The following RBPMS variants were observed in gnomAD, a reference collection of about 807,000 sequenced individuals.
The protein encoded by RBPMS is RNA-binding protein with multiple splicing.
A neutral mutation model predicts 26.8 loss-of-function variants in RBPMS; 7 were observed. That is an observed-to-expected ratio of 0.26 (90% confidence interval 0.15 to 0.49). RBPMS has a LOEUF of 0.49. RBPMS is among the 20% of genes least tolerant of loss of function. RBPMS has a pLI of 0.98. For synonymous variants in RBPMS, 96 were observed against 93.3 expected, an observed-to-expected ratio of 1.03 and a Z score of -0.17; for missense variants, 186 against 250.0, an observed-to-expected ratio of 0.74 and a Z score of 1.73.
intron 5 of RBPMS, among the ~76,000 whole-genome samples, chr8:30,532,420 GTTGT>G (rs1824322799): frequency 1.3e-5 from 2 of 152,162 alleles, no homozygotes; most frequent in Admixed American, 1.3e-4. Context: ...TAATGTTACT[GTTGT>G]TTGACACTGT....
At chr8:30,544,222 A>G (rs1403669042) in intron 5 of RBPMS, among the ~76,000 whole-genome samples, 2 of 152,016 alleles carry the variant, frequency 1.3e-5, no homozygotes, top group Non-Finnish European at 2.9e-5. Context: ...CTACAGTCGG[A>G]AAGACATCAG....
chr8:30,547,650 G>A (rs900133164), intron 6 of RBPMS: 2 of 486,194 alleles, frequency 4.1e-6, no homozygotes. Flanking sequence ...GACTCAGAAC[G>A]AGCTTCCTGG....
At chr8:30,497,134 T>C (rs556054712) in intron 4 of RBPMS, among the ~76,000 whole-genome samples, 12 of 152,382 alleles carry the variant, frequency 7.9e-5, no homozygotes, top group Admixed American at 3.9e-4. Context: ...TCCTAACTTA[T>C]GTTTTTAACT....
At chr8:30,507,116 C>A (rs1821153886) in intron 5 of RBPMS, among the ~76,000 whole-genome samples, 1 of 152,142 alleles carries the variant, frequency 6.6e-6, no homozygotes, top group Non-Finnish European at 1.5e-5. Flanking sequence ...AGTGAGAAAA[C>A]CAGGTGTTGC....
intron 1 of RBPMS, among the ~76,000 whole-genome samples, chr8:30,448,794 C>A (rs1489612330): frequency 6.6e-6 from 1 of 152,186 alleles, no homozygotes; most frequent in Non-Finnish European, 1.5e-5. Flanking sequence ...CTGTTGGATT[C>A]AGGATTAAAT....
intron 6 of RBPMS, chr8:30,545,390 A>T: frequency 1.8e-6 from 2 of 1,117,754 alleles, no homozygotes; most frequent in Non-Finnish European, 2.2e-6. Flanking sequence ...GGTAGTAATC[A>T]GTGTAAAGAT....
At chr8:30,544,412 C>T (rs927408561) in intron 5 of RBPMS, 82 bp from the exon 6 acceptor site, 15 of 1,350,846 alleles carry the variant, frequency 1.1e-5, no homozygotes, top group African/African-American at 4.3e-5. Context: ...GATTGGGGCT[C>T]GGGGTTGTTG....
intron 6 of RBPMS, among the ~76,000 whole-genome samples, chr8:30,547,899 T>C (rs941850054): frequency 8.5e-5 from 13 of 152,166 alleles, no homozygotes; most frequent in Non-Finnish European, 1.8e-4. Context: ...GAAAAGAAGT[T>C]GAGTCACATT....
chr8:30,434,996 ACATCCATCCATCCATCCATCCATC>A (rs113850134), intron 1 of RBPMS, among the ~76,000 whole-genome samples: 4 of 150,400 alleles, frequency 2.7e-5, no homozygotes, highest in Admixed American at 6.6e-5. Flanking sequence ...TCCAAAGAAG[ACATCCATCCATCCATCCATCCATC>A]CATCCATCCA....
chr8:30,562,030 C>T (rs566132676), intron 7 of RBPMS: 60 of 985,240 alleles, frequency 6.1e-5, no homozygotes, highest in African/African-American at 4.4e-4. Context: ...GAATAAGATC[C>T]GAATAAGAAT....
intron 4 of RBPMS, among the ~76,000 whole-genome samples, chr8:30,491,640 T>G (rs1490746889): frequency 6.6e-6 from 1 of 152,120 alleles, no homozygotes; most frequent in East Asian, 1.9e-4. Flanking sequence ...TTGTAGAGTT[T>G]GTTTATGTCA....
chr8:30,469,926 A>T (rs1037327724), intron 1 of RBPMS, among the ~76,000 whole-genome samples: 9 of 152,120 alleles, frequency 5.9e-5, no homozygotes, highest in African/African-American at 1.9e-4. Flanking sequence ...GCCATTACAT[A>T]TTCAGTTTAT....
At chr8:30,450,206 T>C (rs1814398329) in intron 1 of RBPMS, among the ~76,000 whole-genome samples, 2 of 152,236 alleles carry the variant, frequency 1.3e-5, no homozygotes, top group Admixed American at 6.5e-5. Flanking sequence ...GCATAGTAAC[T>C]AGTTGGCATT....
chr8:30,533,060 C>T (rs968144310), intron 5 of RBPMS, among the ~76,000 whole-genome samples: 1 of 152,162 alleles, frequency 6.6e-6, no homozygotes, highest in Admixed American at 6.5e-5. Flanking sequence ...GTGAGAGTAG[C>T]CCTGACCAAA....
chr8:30,540,850 C>T (rs1216796245), intron 5 of RBPMS, among the ~76,000 whole-genome samples: 1 of 152,148 alleles, frequency 6.6e-6, no homozygotes, highest in African/African-American at 2.4e-5. Context: ...ATAGATTCAC[C>T]AGGACCTTGA....
In RBPMS at chr8:30,545,300, G is replaced by T. The variant is rs2915595; in HGVS notation, c.528+676G>T. ...TTATAAACAAACTTCCTGTTTCTCC[G>T]CAAAGATTACTGTCTACATACTAAC... On this transcript the variant is annotated intron_variant, in intron 6 of 8. Transcript: ENST00000397323. 13 of 1,193,244 alleles carry T rather than the reference G, an allele frequency of 1.1e-5. No homozygotes were observed. In the South Asian group the frequency reaches 2.0e-4, roughly 18 times the overall value. 73.9% of individuals were successfully genotyped at this position (1,193,244 alleles called of 1,614,324 possible).
intron 1 of RBPMS, among the ~76,000 whole-genome samples, chr8:30,392,494 C>T (rs1212763599): frequency 5.9e-5 from 9 of 152,092 alleles, no homozygotes; most frequent in Non-Finnish European, 1.3e-4. Context: ...TGGACTTTGT[C>T]CTCTGATGGG....
At position 30,536,834 on chromosome 8, in the gene RBPMS, A is replaced by G. The variant is rs1479046008; in HGVS notation, c.398-7660A>G. ...ACAGTATGCTGCTCTCATGAAGCTT[A>G]CCCAGGTCTCTAGCAGAGTGGGACT... On this transcript the variant is annotated intron_variant, in intron 5 of 8. Transcript: ENST00000397323. 2.0e-5 allele frequency among the ~76,000 whole-genome samples: 3 copies of G among 151,960 alleles called. No individual in the cohort carries two copies. The East Asian group carries it at 5.8e-4, about 29-fold the overall frequency.
chr8:30,482,317 T>C (rs1216852843), intron 4 of RBPMS, among the ~76,000 whole-genome samples: 2 of 152,218 alleles, frequency 1.3e-5, no homozygotes, highest in African/African-American at 4.8e-5. Flanking sequence ...TTCAATATTG[T>C]AATGTTTTGT....
Sources: gnomAD v4.1 joint callset for allele counts (sites outside exome capture counted in the v4.1 genomes callset) on GRCh38, gnomAD v4.1.1 for gene constraint, MANE v1.5 for transcripts, NCBI Gene and HGNC (gene_info 2026-07-23, HGNC 2026-07-21) for gene names.